The following CFTR variants were observed in gnomAD, a reference collection of about 807,000 sequenced individuals.
The protein encoded by CFTR is CF transmembrane conductance regulator, also known as cystic fibrosis transmembrane conductance regulator.
In CFTR, 181 loss-of-function variants were observed where a neutral mutation model predicts 171.6. The observed-to-expected ratio is 1.05, with a 90% CI of 0.93 to 1.19. The LOEUF (loss-of-function observed/expected upper bound fraction) is 1.19, where lower values mean the gene tolerates loss of function less well. CFTR is among the 50% of genes most tolerant of loss of function. The pLI is 0.00. For synonymous variants in CFTR, 583 were observed against 608.0 expected (o/e 0.96, Z 0.60); for missense variants, 1,968 against 1,734.7 (o/e 1.13, Z -2.39).
intron 1 of CFTR, among the ~76,000 whole-genome samples, chr7:117,494,654 T>C (rs1584770438): frequency 6.6e-6 from 1 of 152,064 alleles, no homozygotes; most frequent in South Asian, 2.1e-4. Context: ...CTAGTGATGG[T>C]ATCTGAACAA....
Position 117,480,143 on chromosome 7 carries a change from T to C in CFTR, c.49T>C (p.Phe17Leu), listed in dbSNP as rs779256353. Residue 17 changes from phenylalanine (F) to leucine (L), a missense_variant, in exon 1 of 27, where the codon TTC becomes CTC. Coordinates refer to ENST00000003084, the MANE Select transcript of CFTR (RefSeq NM_000492.4). Reference sequence around the variant, plus strand: ...GGCCAGCGTTGTCTCCAAACTTTTTTTCAGGTGAGAAGGTGGCCAACCGAG... The same window carrying C: ...GGCCAGCGTTGTCTCCAAACTTTTTCTCAGGTGAGAAGGTGGCCAACCGAG... ...EKASVVSKLF[F>L]SWTRPILRKG... is the part of the protein sequence containing the mutation. 3 of 1,613,676 alleles carry C rather than the reference T, an allele frequency of 1.9e-6. No homozygotes were observed. The highest frequency in any genetic ancestry group is 2.7e-5 in the African/African-American group (2 of 74,852).
At chr7:117,618,590 A>G (rs775668201) in intron 21 of CFTR, among the ~76,000 whole-genome samples, 38 of 152,188 alleles carry the variant, frequency 2.5e-4, no homozygotes, top group African/African-American at 5.8e-4. Context: ...GATGTATCCA[A>G]CTATCATCTT....
At chr7:117,611,853 T>A in intron 20 of CFTR, 45 bp downstream of exon 20, 1 of 1,349,048 alleles carries the variant, frequency 7.4e-7, no homozygotes, top group Non-Finnish European at 1.1e-6. Flanking sequence ...AAGTAAAAAA[T>A]TTTCAATGAA....
intron 11 of CFTR, among the ~76,000 whole-genome samples, chr7:117,576,502 A>G (rs1338145879): frequency 6.6e-6 from 1 of 152,172 alleles, no homozygotes; most frequent in African/African-American, 2.4e-5. Flanking sequence ...TGGTATCCAC[A>G]GAGAGTCCTG....
Position 117,628,634 on chromosome 7 carries a change from G to A in CFTR, c.3717+864G>A, listed in dbSNP as rs1057272600. On this transcript the variant is annotated intron_variant, in intron 22 of 26. Transcript: ENST00000003084. ...CAGTTAGTAAAGATGTTAGGTCACCGTTACTAACACTGACATAGAAACAGT... is the reference window on the plus strand; with the variant it reads ...CAGTTAGTAAAGATGTTAGGTCACCATTACTAACACTGACATAGAAACAGT... 1.6e-4 allele frequency among the ~76,000 whole-genome samples: 24 copies of A among 152,158 alleles called. 1 individual carries two copies. The highest frequency in any genetic ancestry group is 5.3e-4 in the African/African-American group (22 of 41,520).
intron 9 of CFTR, among the ~76,000 whole-genome samples, chr7:117,543,165 T>G (rs1244689776): frequency 2.0e-5 from 3 of 152,188 alleles, no homozygotes; most frequent in Non-Finnish European, 4.4e-5. Context: ...AAAACCAGTG[T>G]CCTAGGTCTA....
chr7:117,660,827 T>A (rs1263469367), intron 24 of CFTR, among the ~76,000 whole-genome samples: 1 of 152,116 alleles, frequency 6.6e-6, no homozygotes, highest in Non-Finnish European at 1.5e-5. Flanking sequence ...ATAGTGCTTA[T>A]CTCTTTGAAC....
chr7:117,556,669 G>A (rs1489942729), intron 10 of CFTR, among the ~76,000 whole-genome samples: 3 of 148,994 alleles, frequency 2.0e-5, no homozygotes, highest in African/African-American at 4.9e-5. Context: ...ACAGGCGCCC[G>A]CCACTACGCC....
intron 10 of CFTR, among the ~76,000 whole-genome samples, chr7:117,549,485 A>G (rs1799231800): frequency 6.6e-6 from 1 of 152,218 alleles, no homozygotes; most frequent in Non-Finnish European, 1.5e-5. Flanking sequence ...CTTTGTAGTG[A>G]TCTTCAAGAA....
intron 3 of CFTR, among the ~76,000 whole-genome samples, chr7:117,516,156 A>G (rs1341684529): frequency 6.6e-6 from 1 of 152,180 alleles, no homozygotes; most frequent in Admixed American, 6.6e-5. Flanking sequence ...TCCTTTAATG[A>G]CTAATGAATA....
chr7:117,587,653 T>C (rs1562906239), intron 11 of CFTR, 86 bp from the exon 12 acceptor site: 1 of 806,250 alleles, frequency 1.2e-6, no homozygotes, highest in East Asian at 2.5e-5. Flanking sequence ...GTGTGATATA[T>C]GATTACATTA....
At chr7:117,504,829 A>G (rs533369037) in intron 2 of CFTR, among the ~76,000 whole-genome samples, 4 of 152,038 alleles carry the variant, frequency 2.6e-5, no homozygotes, top group South Asian at 4.1e-4. Context: ...CAATAAAATC[A>G]TAAAAGAAAA....
intron 13 of CFTR, 76 bp downstream of exon 13, chr7:117,590,515 C>T (rs1792010450): frequency 1.3e-6 from 2 of 1,506,310 alleles, no homozygotes; most frequent in South Asian, 2.3e-5. Context: ...TCATAGATTG[C>T]ATTTTACCTC....
rs1216776797 is a variant in CFTR, at chr7:117,502,080, G to A, written c.54-2173G>A. Among the ~76,000 whole-genome samples the A allele has an allele frequency of 5.3e-5, 8 of 152,104 alleles. No individual in the cohort carries two copies. In the South Asian group the frequency reaches 8.3e-4, roughly 16 times the overall value. On this transcript the variant is annotated intron_variant, in intron 1 of 26. Coordinates refer to ENST00000003084, the MANE Select transcript of CFTR (RefSeq NM_000492.4). Reference sequence around the variant, plus strand: ...GTTTTTGTTTTTGTTTTTGTTTTCCGGAGAGGGGATTGTTAAATATTTGCC... The same window carrying A: ...GTTTTTGTTTTTGTTTTTGTTTTCCAGAGAGGGGATTGTTAAATATTTGCC...
At chr7:117,604,136 A>G (rs1219830197) in intron 17 of CFTR, among the ~76,000 whole-genome samples, 2 of 152,106 alleles carry the variant, frequency 1.3e-5, no homozygotes, top group African/African-American at 4.8e-5. Context: ...TCAAAAGGGC[A>G]GGAGATTTGA....
intron 15 of CFTR, 61 bp from the exon 16 acceptor site, chr7:117,602,765 G>A: frequency 3.8e-6 from 5 of 1,301,046 alleles, no homozygotes; most frequent in Non-Finnish European, 5.6e-6. Flanking sequence ...TTAGATGTGG[G>A]CATGGGAGGA....
Position 117,556,709 on chromosome 7 carries a change from C to T in CFTR, c.1393-2755C>T, listed in dbSNP as rs573597704. Among the ~76,000 whole-genome samples, 143 of 149,498 alleles carry T rather than the reference C, an allele frequency of 9.6e-4. 2 individuals are homozygous for T. The highest frequency in any genetic ancestry group is 9.0e-3 in the Admixed American group (136 of 15,042). On this transcript the variant is annotated intron_variant, in intron 10 of 26. Coordinates refer to ENST00000003084, the MANE Select transcript of CFTR (RefSeq NM_000492.4). ...TAATTTTTTGTATTTTTAGTAGAGACGGGGTTTCACCGTTTTAGCCGGGAT... is the reference window on the plus strand; with the variant it reads ...TAATTTTTTGTATTTTTAGTAGAGATGGGGTTTCACCGTTTTAGCCGGGAT...
intron 3 of CFTR, among the ~76,000 whole-genome samples, chr7:117,520,175 T>C (rs1798663503): frequency 6.6e-6 from 1 of 151,724 alleles, no homozygotes; most frequent in African/African-American, 2.4e-5. Flanking sequence ...TCTTTGTGTG[T>C]TTTTATTTTG....
At chr7:117,574,543 A>T (rs1410403062) in intron 11 of CFTR, among the ~76,000 whole-genome samples, 1 of 152,122 alleles carries the variant, frequency 6.6e-6, no homozygotes. Context: ...TTATTTTCAC[A>T]CTTTTAAAGG....
Sources: gnomAD v4.1 joint callset for allele counts (sites outside exome capture counted in the v4.1 genomes callset) on GRCh38, gnomAD v4.1.1 for gene constraint, MANE v1.5 for transcripts, NCBI Gene and HGNC (gene_info 2026-07-23, HGNC 2026-07-21) for gene names.